The following EMC8 variants were observed in gnomAD, a reference collection of about 807,000 sequenced individuals.
EMC8 encodes the protein COX4 neighbor.
In EMC8, 11 loss-of-function variants were observed where a neutral mutation model predicts 24.3. The observed-to-expected ratio is 0.45, with a 90% CI of 0.28 to 0.75. The LOEUF (loss-of-function observed/expected upper bound fraction) is 0.75. Ranked by LOEUF, EMC8 falls within the 30% of genes least tolerant of loss-of-function variation. EMC8 has a pLI of 0.12. For synonymous variants in EMC8, 145 were observed against 117.7 expected (o/e 1.23, Z -1.50); for missense variants, 277 against 282.7 (o/e 0.98, Z 0.14).
intron 3 of EMC8, chr16:85,780,895 T>G (rs953872789): frequency 1.3e-5 from 6 of 470,398 alleles, no homozygotes; most frequent in Non-Finnish European, 1.9e-5. Context: ...TAACATGGAC[T>G]GCTGGGCTAA....
intron 2 of EMC8, among the ~76,000 whole-genome samples, chr16:85,787,086 G>A (rs1418032593): frequency 2.6e-5 from 4 of 152,140 alleles, no homozygotes. Context: ...CTGCTTGCAA[G>A]GTGAAGTTCA....
At chr16:85,780,005 A>T (rs1904412678) in intron 4 of EMC8, 138 bp from the exon 5 acceptor site, 1 of 696,954 alleles carries the variant, frequency 1.4e-6, no homozygotes, top group Non-Finnish European at 2.5e-6. Context: ...TGTGCATTTC[A>T]AACGCATGAA....
chr16:85,797,389 CAA>C lies in EMC8; in HGVS notation c.231+1674_231+1675del, dbSNP rs570255624. On this transcript the variant is annotated intron_variant, in intron 1 of 4. Coordinates refer to ENST00000253457, the MANE Select transcript of EMC8 (RefSeq NM_006067.5). ...TGCCATTGCACTCCAGGCTGGGTGA[CAA>C]GAGCGAAACTCCATCTCAAAAAAAC... 2.3e-4 allele frequency among the ~76,000 whole-genome samples: 35 copies of C among 152,202 alleles called. No individual in the cohort carries two copies. The South Asian group carries it at 7.3e-3, about 32-fold the overall frequency.
At chr16:85,785,687 C>T (rs115719722) in intron 2 of EMC8, among the ~76,000 whole-genome samples, 30 of 152,350 alleles carry the variant, frequency 2.0e-4, no homozygotes, top group African/African-American at 6.7e-4. Flanking sequence ...TACTGATCCA[C>T]TTGATCCTGA....
At chr16:85,797,345 T>G (rs111437201) in intron 1 of EMC8, among the ~76,000 whole-genome samples, 97 of 152,236 alleles carry the variant, frequency 6.4e-4, no homozygotes, top group African/African-American at 2.3e-3. Flanking sequence ...GAGGTGGAAG[T>G]TGCAGTGAGC....
At chr16:85,791,381 C>G (rs1316782534) in intron 1 of EMC8, among the ~76,000 whole-genome samples, 1 of 152,112 alleles carries the variant, frequency 6.6e-6, no homozygotes, top group African/African-American at 2.4e-5. Flanking sequence ...ATCCATGTGT[C>G]ATGCTGGTTT....
At position 85,778,946 on chromosome 16, in the gene EMC8, G is replaced by C. The variant is rs909240877; in HGVS notation, c.*762C>G. On this transcript the variant is annotated 3_prime_UTR_variant, in exon 5 of 5. Coordinates refer to ENST00000253457, the MANE Select transcript of EMC8 (RefSeq NM_006067.5). ...ACTCTGCACAACTCGGGAAGTCTAA[G>C]TCTTGTTTTTCCTAATACAAAAGAA... 2.6e-5 allele frequency: 4 copies of C among 152,216 alleles called. No individual in the cohort carries two copies. Among genetic ancestry groups the C allele is most frequent in the African/African-American group, 4.8e-5 (2 of 41,454 alleles). The allele number at this position is 152,216 out of a possible 1,614,324, so 9.4% of individuals were successfully genotyped here.
intron 4 of EMC8, chr16:85,780,099 G>A: frequency 1.7e-6 from 1 of 601,324 alleles, no homozygotes; most frequent in Non-Finnish European, 2.9e-6. Flanking sequence ...GGAGGCAGAT[G>A]ACTGAAGCTT....
chr16:85,790,293 C>G (rs1318097763), intron 1 of EMC8, among the ~76,000 whole-genome samples: 1 of 152,086 alleles, frequency 6.6e-6, no homozygotes, highest in Admixed American at 6.5e-5. Context: ...CAGTTACAGT[C>G]CAAGGGTCCC....
chr16:85,780,949 G>C (rs957849628), intron 3 of EMC8: 2 of 531,210 alleles, frequency 3.8e-6, no homozygotes, highest in South Asian at 4.3e-5. Context: ...TGGGTGCCTG[G>C]GAATTCGCAT....
intron 4 of EMC8, 89 bp from the exon 5 acceptor site, chr16:85,779,956 A>G (rs1344607652): frequency 3.7e-6 from 4 of 1,069,786 alleles, no homozygotes; most frequent in Non-Finnish European, 5.7e-6. Flanking sequence ...CCACATGCAC[A>G]GTGGTATGAA....
intron 1 of EMC8, among the ~76,000 whole-genome samples, chr16:85,795,089 A>G (rs904628554): frequency 2.0e-5 from 3 of 152,058 alleles, no homozygotes; most frequent in African/African-American, 7.2e-5. Context: ...CCATAGTCGG[A>G]ACAGAAGTGT....
At chr16:85,788,216 C>T (rs558409535) in intron 2 of EMC8, among the ~76,000 whole-genome samples, 3 of 152,382 alleles carry the variant, frequency 2.0e-5, no homozygotes, top group East Asian at 1.9e-4. Flanking sequence ...TGGGAGGCCA[C>T]GTCAGGCTGG....
intron 1 of EMC8, among the ~76,000 whole-genome samples, chr16:85,789,798 CAAAA>C (rs879349757): frequency 9.9e-6 from 1 of 101,260 alleles, no homozygotes. Flanking sequence ...GTCTCCGTCT[CAAAA>C]AAAAAAAAAA....
intron 1 of EMC8, among the ~76,000 whole-genome samples, chr16:85,795,909 T>G (rs980624837): frequency 6.6e-6 from 1 of 152,170 alleles, no homozygotes; most frequent in Admixed American, 6.5e-5. Flanking sequence ...CGGAGACACC[T>G]AGCTGGTGGC....
intron 2 of EMC8, among the ~76,000 whole-genome samples, chr16:85,786,785 G>T (rs1403959733): frequency 2.0e-5 from 3 of 152,182 alleles, no homozygotes; most frequent in Non-Finnish European, 2.9e-5. Context: ...GTCCGAGTAG[G>T]ATAATTCCAG....
chr16:85,786,915 G>C (rs13335471), intron 2 of EMC8, among the ~76,000 whole-genome samples: 3,235 of 152,252 alleles, frequency 0.021, 122 homozygotes, highest in African/African-American at 0.073. Context: ...ACCACATCAG[G>C]CATGGATTTG....
rs1031998971 is a variant in EMC8 at position 85,795,879 on chromosome 16, G to C, written c.231+3186C>G. Among the ~76,000 whole-genome samples, 7 of 152,180 alleles carry C rather than the reference G, an allele frequency of 4.6e-5. No individual in the cohort carries two copies. The East Asian group carries it at 1.3e-3, about 29-fold the overall frequency. ...TGGGCTCTGACACTATCTCCAGGTA[G>C]GCAGTGTCAGAACAGAATGCGGAGA... On this transcript the variant is annotated intron_variant, in intron 1 of 4. Coordinates refer to ENST00000253457, the MANE Select transcript of EMC8 (RefSeq NM_006067.5).
chr16:85,779,495 A>G lies in EMC8; in HGVS notation c.*213T>C. ...GCAACATACAACTGAGAGAGTCCACAGGGACAGTCAGACGGGATGTCTGCA... is the reference window on the plus strand; with the variant it reads ...GCAACATACAACTGAGAGAGTCCACGGGGACAGTCAGACGGGATGTCTGCA... On this transcript the variant is annotated 3_prime_UTR_variant, in exon 5 of 5. Transcript: ENST00000253457. 2 of 524,442 alleles carry G rather than the reference A, an allele frequency of 3.8e-6. No homozygotes were observed. Among genetic ancestry groups the G allele is most frequent in the Non-Finnish European group, 6.9e-6 (2 of 290,818 alleles). 32.5% of individuals were successfully genotyped at this position (524,442 alleles called of 1,614,324 possible).
Sources: gnomAD v4.1 joint callset for allele counts (sites outside exome capture counted in the v4.1 genomes callset) on GRCh38, gnomAD v4.1.1 for gene constraint, MANE v1.5 for transcripts, NCBI Gene and HGNC (gene_info 2026-07-23, HGNC 2026-07-21) for gene names.